The following DEFB135 variants were observed in gnomAD, a reference collection of about 807,000 sequenced individuals.
The protein encoded by DEFB135 is beta-defensin 135.
DEFB135 carries 14 observed loss-of-function variants against 8.9 expected under a neutral mutation model. The observed-to-expected ratio is 1.58, with a 90% CI of 1.04 to 2.47. The LOEUF (loss-of-function observed/expected upper bound fraction) is 2.47. DEFB135 is among the 30% of genes most tolerant of loss of function. The pLI is 0.00. For synonymous variants in DEFB135, 51 were observed against 34.5 expected, an observed-to-expected ratio of 1.48 and a Z score of -1.67; for missense variants, 135 against 94.2, an observed-to-expected ratio of 1.43 and a Z score of -1.79.
rs1434015454 is a variant in DEFB135 at position 11,984,566 on chromosome 8, T to C, written c.210T>C (p.Tyr70=). The C allele has an allele frequency of 4.6e-6, 7 of 1,535,070 alleles. No individual in the cohort carries two copies. Among genetic ancestry groups the C allele is most frequent in the Non-Finnish European group, 5.3e-6 (6 of 1,128,172 alleles). ...TIHLCCVNPK[Y]LPILTGK Reference sequence around the variant, plus strand: ...ATTTGTGCTGTGTAAACCCAAAATATTTACCTATACTGACTGGGAAATAGT... The same window carrying C: ...ATTTGTGCTGTGTAAACCCAAAATACTTACCTATACTGACTGGGAAATAGT... Residue 70 remains tyrosine (Y), a synonymous_variant, in exon 2 of 2, where the codon TAT becomes TAC. Transcript: ENST00000382208.
chr8:11,982,481 G>C, intron 1 of DEFB135, 97 bp downstream of exon 1: 1 of 1,393,660 alleles, frequency 7.2e-7, no homozygotes, highest in Non-Finnish European at 1.0e-6. Context: ...CTTGGACAAA[G>C]GAAGCTGCAA....
rs200406777 is a variant in DEFB135 at position 11,982,272 on chromosome 8, G to A, written c.-49G>A. 1,247 of 1,608,726 alleles carry A rather than the reference G, an allele frequency of 7.8e-4. 8 individuals are homozygous for A. The highest frequency in any genetic ancestry group is 5.0e-3 in the South Asian group (454 of 90,932). On this transcript the variant is annotated 5_prime_UTR_variant, in exon 1 of 2. Transcript: ENST00000382208. ...CAGCTCCCCGTCTCTTCAAAGCTGC[G>A]GAGAGAGTGACTCTCCGATGAGTCA...
Position 11,984,509 on chromosome 8 carries a change from C to G in DEFB135, c.153C>G (p.Asn51Lys), listed in dbSNP as rs368213237. 1.3e-6 allele frequency: 2 copies of G among 1,588,330 alleles called. No individual in the cohort carries two copies. Among genetic ancestry groups the G allele is most frequent in the African/African-American group, 1.3e-5 (1 of 74,494 alleles). Residue 51 changes from asparagine (N) to lysine (K), a missense_variant, in exon 2 of 2, where the codon AAC becomes AAG. Transcript: ENST00000382208. ...QGTCRPKCLKNEQYRILCDTI... is the reference protein window; with the variant it reads ...QGTCRPKCLKKEQYRILCDTI... Reference sequence around the variant, plus strand: ...CTTGCCGGCCAAAATGTCTAAAAAACGAACAATATCGTATTTTGTGTGATA... The same window carrying G: ...CTTGCCGGCCAAAATGTCTAAAAAAGGAACAATATCGTATTTTGTGTGATA...
chr8:11,983,403 TAAAA>T (rs760493660), intron 1 of DEFB135, among the ~76,000 whole-genome samples: 14 of 151,884 alleles, frequency 9.2e-5, no homozygotes, highest in Admixed American at 3.9e-4. Flanking sequence ...AAATAAAAAT[TAAAA>T]AAAATAAATA....
chr8:11,983,935 C>A (rs1799794990), intron 1 of DEFB135, among the ~76,000 whole-genome samples: 1 of 152,076 alleles, frequency 6.6e-6, no homozygotes, highest in African/African-American at 2.4e-5. Flanking sequence ...GACAAAAAGT[C>A]ATGCAGAATG....
chr8:11,983,332 G>A (rs774972768), intron 1 of DEFB135, among the ~76,000 whole-genome samples: 3 of 152,212 alleles, frequency 2.0e-5, no homozygotes, highest in Non-Finnish European at 4.4e-5. Flanking sequence ...GGAGATTGCA[G>A]TGAGCTGAGA....
At chr8:11,983,909 T>G (rs1294810127) in intron 1 of DEFB135, among the ~76,000 whole-genome samples, 2 of 152,184 alleles carry the variant, frequency 1.3e-5, no homozygotes, top group African/African-American at 4.8e-5. Context: ...CTTAAGTACC[T>G]TGTGATTAAG....
chr8:11,982,769 G>C (rs750717405), intron 1 of DEFB135, among the ~76,000 whole-genome samples: 17 of 152,170 alleles, frequency 1.1e-4, no homozygotes, highest in Non-Finnish European at 1.9e-4. Context: ...TCTACAGTCA[G>C]CCACCCATGT....
rs777667474 is a variant in DEFB135, at chr8:11,984,548, C to G, written c.192C>G (p.Cys64Trp). Reference sequence around the variant, plus strand: ...TTTTGTGTGATACTATACATTTGTGCTGTGTAAACCCAAAATATTTACCTA... The same window carrying G: ...TTTTGTGTGATACTATACATTTGTGGTGTGTAAACCCAAAATATTTACCTA... ...YRILCDTIHL[C>W]CVNPKYLPIL... The change falls in exon 2 of 2, where the codon TGC becomes TGG. Residue 64 changes from cysteine to tryptophan, a missense_variant. Transcript: ENST00000382208. 9.7e-6 allele frequency: 15 copies of G among 1,551,954 alleles called. No individual in the cohort carries two copies. Among genetic ancestry groups the G allele is most frequent in the Admixed American group, 8.8e-5 (5 of 57,124 alleles).
chr8:11,984,464 A>C lies in DEFB135; in HGVS notation c.108A>C (p.Ser36=), dbSNP rs946380952. The C allele has an allele frequency of 1.3e-6, 2 of 1,571,826 alleles. No homozygotes were observed. Among genetic ancestry groups the C allele is most frequent in the Non-Finnish European group, 1.7e-6 (2 of 1,150,492 alleles). ...TCTACATACAAAAAATCTTTGCTTC[A>C]TGTTGGCGACTGCAAGGTACTTGCC... The part of the protein sequence containing the change: ...PNVYIQKIFA[S]CWRLQGTCRP... The change falls in exon 2 of 2, where the codon TCA becomes TCC. Residue 36 remains serine (S), a synonymous_variant. Transcript: ENST00000382208.
intron 1 of DEFB135, among the ~76,000 whole-genome samples, chr8:11,983,941 G>C (rs1335052244): frequency 6.6e-6 from 1 of 152,110 alleles, no homozygotes; most frequent in Non-Finnish European, 1.5e-5. Context: ...AAGTCATGCA[G>C]AATGTTTTTG....
chr8:11,982,314 G>A lies in DEFB135; in HGVS notation c.-7G>A. 4 of 1,614,130 alleles carry A rather than the reference G, an allele frequency of 2.5e-6. No individual in the cohort carries two copies. The highest frequency in any genetic ancestry group is 3.4e-6 in the Non-Finnish European group (4 of 1,180,026). ...GATGAGTCACAGCTGCTTCTTTGCT[G>A]ATTGGTATGGCCACAAGGAGCGTCC... On this transcript the variant is annotated 5_prime_UTR_variant, in exon 1 of 2. Coordinates refer to ENST00000382208, the MANE Select transcript of DEFB135 (RefSeq NM_001033017.3).
chr8:11,982,311 G>C lies in DEFB135; in HGVS notation c.-10G>C, dbSNP rs758028817. The C allele has an allele frequency of 6.2e-7, 1 of 1,614,058 alleles. No homozygotes were observed. The highest frequency in any genetic ancestry group is 8.5e-7 in the Non-Finnish European group (1 of 1,180,010). On this transcript the variant is annotated 5_prime_UTR_variant, in exon 1 of 2. Coordinates refer to ENST00000382208, the MANE Select transcript of DEFB135 (RefSeq NM_001033017.3). ...TCCGATGAGTCACAGCTGCTTCTTTGCTGATTGGTATGGCCACAAGGAGCG... is the reference window on the plus strand; with the variant it reads ...TCCGATGAGTCACAGCTGCTTCTTTCCTGATTGGTATGGCCACAAGGAGCG...
chr8:11,984,403 C>T lies in DEFB135; in HGVS notation c.65-18C>T, dbSNP rs761587790. The T allele has an allele frequency of 2.0e-5, 30 of 1,505,626 alleles. No homozygotes were observed. Among genetic ancestry groups the T allele is most frequent in the Non-Finnish European group, 2.6e-5 (29 of 1,112,472 alleles). 93.3% of individuals were successfully genotyped at this position (1,505,626 alleles called of 1,614,324 possible). On this transcript the variant is annotated intron_variant, in intron 1 of 1. Transcript: ENST00000382208. ...TTCAGGACACTAACTGTGCATTAAC[C>T]TTTGTTTCTCTTGGCAGGTAGAAGT...
chr8:11,982,474 G>A, intron 1 of DEFB135, 90 bp downstream of exon 1: 2 of 1,466,236 alleles, frequency 1.4e-6, no homozygotes, highest in South Asian at 1.2e-5. Flanking sequence ...GGCAGGACTT[G>A]GACAAAGGAA....
At chr8:11,982,653 G>A (rs1227104059) in intron 1 of DEFB135, among the ~76,000 whole-genome samples, 1 of 152,174 alleles carries the variant, frequency 6.6e-6, no homozygotes, top group Non-Finnish European at 1.5e-5. Context: ...CTGGACTGTT[G>A]GTACTGGCAG....
In DEFB135 at chr8:11,982,282, ACT is replaced by A; in HGVS notation, c.-35_-34del. ...TCTCTTCAAAGCTGCGGAGAGAGTGACTCTCCGATGAGTCACAGCTGCTTCTT... is the reference window on the plus strand; with the variant it reads ...TCTCTTCAAAGCTGCGGAGAGAGTGACTCCGATGAGTCACAGCTGCTTCTT... On this transcript the variant is annotated 5_prime_UTR_variant, in exon 1 of 2. Transcript: ENST00000382208. 6.2e-7 allele frequency: 1 copy of A among 1,609,862 alleles called. No homozygotes were observed. Among genetic ancestry groups the A allele is most frequent in the Non-Finnish European group, 8.5e-7 (1 of 1,176,852 alleles).
intron 1 of DEFB135, among the ~76,000 whole-genome samples, chr8:11,983,322 G>A (rs1272088172): frequency 2.0e-5 from 3 of 152,238 alleles, no homozygotes; most frequent in African/African-American, 7.2e-5. Flanking sequence ...CCCAGGAGGC[G>A]GAGATTGCAG....
intron 1 of DEFB135, among the ~76,000 whole-genome samples, chr8:11,983,830 C>T (rs1235548577): frequency 6.6e-6 from 1 of 152,062 alleles, no homozygotes; most frequent in South Asian, 2.1e-4. Flanking sequence ...ATATTTGTCT[C>T]AGGTATTTCA....
Sources: allele counts gnomAD v4.1 joint callset (sites outside exome capture counted in the v4.1 genomes callset), GRCh38; gene constraint gnomAD v4.1.1; transcripts MANE v1.5; gene names NCBI Gene and HGNC (gene_info 2026-07-23, HGNC 2026-07-21).